Variants in ANKRD30BL observed in about 807,000 individuals in gnomAD.
ANKRD30BL encodes ankyrin repeat domain 30B like.
ANKRD30BL carries 20 observed loss-of-function variants against 18.4 expected under a neutral mutation model. That is an observed-to-expected ratio of 1.09 (90% CI 0.77 to 1.58). The LOEUF is 1.58. Among genes scored for constraint, ANKRD30BL ranks in the 40% most tolerant of loss-of-function variants. The pLI, the probability that ANKRD30BL is intolerant of heterozygous loss-of-function variation, is 0.00. For synonymous variants in ANKRD30BL, 72 were observed against 100.9 expected, an observed-to-expected ratio of 0.71 and a Z score of 1.72; for missense variants, 224 against 268.6, an observed-to-expected ratio of 0.83 and a Z score of 1.16.
chr2:132,223,588 G>A (rs1461182713), intron 1 of ANKRD30BL, among the ~76,000 whole-genome samples: 1 of 150,320 alleles, frequency 6.7e-6, no homozygotes, highest in Non-Finnish European at 1.5e-5. Flanking sequence ...GAAATTTGGA[G>A]AGCTTTGAGG....
At chr2:132,227,216 T>C (rs199744430) in intron 1 of ANKRD30BL, among the ~76,000 whole-genome samples, 22 of 151,260 alleles carry the variant, frequency 1.5e-4, no homozygotes, top group African/African-American at 5.3e-4. Flanking sequence ...TTCACATAAA[T>C]ACTAGACAGA....
intron 1 of ANKRD30BL, among the ~76,000 whole-genome samples, chr2:132,158,821 A>G (rs1252729277): frequency 6.6e-6 from 1 of 151,198 alleles, no homozygotes; most frequent in African/African-American, 2.4e-5. Flanking sequence ...TATGTGTCTA[A>G]TAAGATGTAT....
In ANKRD30BL at chr2:132,220,710, G is replaced by A. The variant is rs200461949; in HGVS notation, n.441+36819C>T. ...GAGTGCAGTGGCGTGATCTCGGCTCGCTACAACCTCCACCTCCCAGCCGCC... is the reference window on the plus strand; with the variant it reads ...GAGTGCAGTGGCGTGATCTCGGCTCACTACAACCTCCACCTCCCAGCCGCC... On this transcript the variant is annotated intron_variant and non_coding_transcript_variant, in intron 1 of 4. Coordinates refer to the ANKRD30BL transcript ENST00000470729. Among the ~76,000 whole-genome samples, 11 of 152,130 alleles carry A rather than the reference G, an allele frequency of 7.2e-5. No homozygotes were observed. In the South Asian group the frequency reaches 1.5e-3, roughly 20 times the overall value.
rs1175465070 is a variant in ANKRD30BL at position 132,193,039 on chromosome 2, CG to C, written n.442-35894del. 2.2e-4 allele frequency among the ~76,000 whole-genome samples: 34 copies of C among 152,270 alleles called. 1 individual carries two copies. Among genetic ancestry groups the C allele is most frequent in the African/African-American group, 8.2e-4 (34 of 41,562 alleles). On this transcript the variant is annotated intron_variant and non_coding_transcript_variant, in intron 1 of 4. Transcript: ENST00000470729. ...ATGAGTGGACATGCAGGAGCAGGCA[CG>C]GAGTGTAAAGAATCTTGTATTGCAC...
intron 1 of ANKRD30BL, among the ~76,000 whole-genome samples, chr2:132,235,403 T>C (rs12469234): frequency 0.11 from 16,268 of 152,170 alleles, 893 homozygotes; most frequent in South Asian, 0.17. Flanking sequence ...AAATTGTCCC[T>C]GTTTGCAGAT....
At chr2:132,153,750 C>T in intron 4 of ANKRD30BL, 1 of 824,768 alleles carries the variant, frequency 1.2e-6, no homozygotes, top group South Asian at 1.4e-5. Flanking sequence ...TAATATGTGC[C>T]TGTCAGTATA....
intron 1 of ANKRD30BL, among the ~76,000 whole-genome samples, chr2:132,251,915 T>C (rs952612691): frequency 3.0e-4 from 46 of 152,390 alleles, no homozygotes; most frequent in African/African-American, 1.0e-3. Context: ...GTGTTATGGG[T>C]GTTCTTTTGT....
rs4275316 is a variant in ANKRD30BL at position 132,228,227 on chromosome 2, G to A, written n.441+29302C>T. ...GAATCTGCAAGTTAACATTTGGAGCGCTTTGAGGCCTGTGGAGGAAAAGGA... is the reference window on the plus strand; with the variant it reads ...GAATCTGCAAGTTAACATTTGGAGCACTTTGAGGCCTGTGGAGGAAAAGGA... On this transcript the variant is annotated intron_variant and non_coding_transcript_variant, in intron 1 of 4. Coordinates refer to the ANKRD30BL transcript ENST00000470729. Among the ~76,000 whole-genome samples, 1,269 of 152,066 alleles carry A rather than the reference G, an allele frequency of 8.3e-3. 14 individuals are homozygous for A. Among genetic ancestry groups the A allele is most frequent in the African/African-American group, 0.028 (1,177 of 41,508 alleles).
chr2:132,220,134 C>T (rs935825048), intron 1 of ANKRD30BL, among the ~76,000 whole-genome samples: 4 of 151,928 alleles, frequency 2.6e-5, no homozygotes, highest in African/African-American at 9.7e-5. Flanking sequence ...GATATTTTGA[C>T]CATTTAGTGG....
chr2:132,198,300 C>G (rs1355393117), intron 1 of ANKRD30BL, among the ~76,000 whole-genome samples: 2 of 11,446 alleles, frequency 1.7e-4, no homozygotes, highest in African/African-American at 4.4e-4. Context: ...TTCTTTCTTT[C>G]TTTCTTTCTT....
intron 1 of ANKRD30BL, among the ~76,000 whole-genome samples, chr2:132,239,620 C>T (rs1161986356): frequency 2.6e-5 from 4 of 151,634 alleles, no homozygotes; most frequent in African/African-American, 4.8e-5. Context: ...TTGAGAATTT[C>T]GTTAGAAACG....
At chr2:132,174,112 C>T (rs2104942964) in intron 1 of ANKRD30BL, among the ~76,000 whole-genome samples, 1 of 152,294 alleles carries the variant, frequency 6.6e-6, no homozygotes, top group East Asian at 1.9e-4. Flanking sequence ...TTCATTTGTT[C>T]TATGACAGAT....
intron 1 of ANKRD30BL, chr2:132,256,989 A>T: frequency 1.9e-6 from 1 of 515,372 alleles, no homozygotes; most frequent in Non-Finnish European, 3.9e-6. Context: ...CGGCCGGGCC[A>T]CCAGGAAAAC....
chr2:132,149,371 G>T (rs1687696731), intron 5 of ANKRD30BL, among the ~76,000 whole-genome samples: 1 of 152,160 alleles, frequency 6.6e-6, no homozygotes, highest in South Asian at 2.1e-4. Context: ...AACACATCTT[G>T]TTCTAATGAA....
At chr2:132,187,180 TTTTGTTTG>T (rs1558924470) in intron 1 of ANKRD30BL, among the ~76,000 whole-genome samples, 2 of 140,798 alleles carry the variant, frequency 1.4e-5, no homozygotes, top group African/African-American at 5.7e-5. Context: ...TTGTTTTTTT[TTTTGTTTG>T]TTTTTTTTTT....
At chr2:132,249,437 T>G (rs796404646) in intron 1 of ANKRD30BL, among the ~76,000 whole-genome samples, 2 of 152,196 alleles carry the variant, frequency 1.3e-5, no homozygotes, top group Non-Finnish European at 2.9e-5. Context: ...AATCAGTTTC[T>G]CAGAAACCTT....
chr2:132,206,724 G>T (rs58468131), intron 1 of ANKRD30BL, among the ~76,000 whole-genome samples: 9,027 of 152,150 alleles, frequency 0.059, 140 homozygotes, highest in South Asian at 0.12. Context: ...TACATCTGCT[G>T]TGACAAAGTG....
At chr2:132,223,645 C>A (rs1679760408) in intron 1 of ANKRD30BL, among the ~76,000 whole-genome samples, 1 of 151,736 alleles carries the variant, frequency 6.6e-6, no homozygotes, top group African/African-American at 2.4e-5. Flanking sequence ...TAGACAGAAG[C>A]ATTCTCAGAA....
At chr2:132,229,783 G>GGA (rs2104780973) in intron 1 of ANKRD30BL, among the ~76,000 whole-genome samples, 1 of 152,168 alleles carries the variant, frequency 6.6e-6, no homozygotes, top group South Asian at 2.1e-4. Flanking sequence ...TGGTGGGAAA[G>GGA]GAAATATCTT....
Sources: allele counts gnomAD v4.1 joint callset (sites outside exome capture counted in the v4.1 genomes callset), GRCh38; gene constraint gnomAD v4.1.1; transcripts MANE v1.5; gene names NCBI Gene and HGNC (gene_info 2026-07-23, HGNC 2026-07-21).